The following MAML3 variants were observed in gnomAD, a reference collection of about 807,000 sequenced individuals.
The protein encoded by MAML3 is mastermind like transcriptional coactivator 3.
A neutral mutation model predicts 101.9 loss-of-function variants in MAML3; 27 were observed. The observed-to-expected ratio is 0.27, with a 90% CI of 0.20 to 0.37. The LOEUF is 0.37. MAML3 is among the 10% of genes least tolerant of loss of function. MAML3 has a pLI of 1.00. For missense variants in MAML3, 1,316 were observed against 1,444.9 expected, an observed-to-expected ratio of 0.91 and a Z score of 1.45; for synonymous variants, 501 against 555.9, an observed-to-expected ratio of 0.90 and a Z score of 1.39.
At chr4:139,724,503 G>C (rs1220667336) in intron 4 of MAML3, among the ~76,000 whole-genome samples, 2 of 152,116 alleles carry the variant, frequency 1.3e-5, no homozygotes, top group Non-Finnish European at 2.9e-5. Flanking sequence ...ATAAAGTTCA[G>C]GGATACTTGT....
chr4:140,068,465 C>T (rs1224936219), intron 1 of MAML3, among the ~76,000 whole-genome samples: 1 of 152,124 alleles, frequency 6.6e-6, no homozygotes, highest in African/African-American at 2.4e-5. Context: ...CTCTCTCTAC[C>T]TAGGCACTTT....
At chr4:139,870,666 G>C (rs1161341462) in intron 2 of MAML3, among the ~76,000 whole-genome samples, 2 of 151,876 alleles carry the variant, frequency 1.3e-5, no homozygotes, top group Non-Finnish European at 2.9e-5. Context: ...TTTTTGGACA[G>C]GGTCTCACTC....
At chr4:139,802,910 A>G (rs1425017627) in intron 2 of MAML3, among the ~76,000 whole-genome samples, 1 of 152,262 alleles carries the variant, frequency 6.6e-6, no homozygotes, top group Admixed American at 6.5e-5. Context: ...AAGAGGTATT[A>G]TTACCTAAAA....
intron 2 of MAML3, among the ~76,000 whole-genome samples, chr4:139,851,322 C>T (rs978134651): frequency 3.3e-5 from 5 of 152,222 alleles, no homozygotes; most frequent in African/African-American, 7.2e-5. Flanking sequence ...AGATATAACA[C>T]GCCACCTGGA....
intron 1 of MAML3, among the ~76,000 whole-genome samples, chr4:140,089,277 A>C (rs1023253091): frequency 1.3e-5 from 2 of 152,228 alleles, no homozygotes; most frequent in African/African-American, 2.4e-5. Flanking sequence ...AAGTAAGGCA[A>C]GGCTTAGTTT....
At chr4:139,885,662 A>G (rs1732314242) in intron 2 of MAML3, among the ~76,000 whole-genome samples, 1 of 150,792 alleles carries the variant, frequency 6.6e-6, no homozygotes, top group Admixed American at 6.6e-5. Flanking sequence ...CGTGGCTCAC[A>G]CCTGTAATCC....
rs1362410400 is a variant in MAML3, at chr4:139,774,659, A to G, written c.2080-43992T>C. On this transcript the variant is annotated intron_variant, in intron 2 of 4. Transcript: ENST00000509479. ...AGTCTTTAAGAAGAGAAAAAAATTGACGGAGGGGAGGATGGCAGAAGGAAA... is the reference window on the plus strand; with the variant it reads ...AGTCTTTAAGAAGAGAAAAAAATTGGCGGAGGGGAGGATGGCAGAAGGAAA... Among the ~76,000 whole-genome samples the G allele has an allele frequency of 2.0e-5, 3 of 152,196 alleles. No individual in the cohort carries two copies. The South Asian group carries it at 6.2e-4, about 31-fold the overall frequency.
chr4:140,072,520 A>C (rs1003161616), intron 1 of MAML3, among the ~76,000 whole-genome samples: 1 of 152,136 alleles, frequency 6.6e-6, no homozygotes, highest in African/African-American at 2.4e-5. Context: ...AAAATTCAAA[A>C]TTAGCCAGGC....
intron 2 of MAML3, among the ~76,000 whole-genome samples, chr4:139,858,762 C>G (rs1197217653): frequency 6.6e-6 from 1 of 152,164 alleles, no homozygotes; most frequent in East Asian, 1.9e-4. Context: ...TTCACATGTG[C>G]CAGTCTATGG....
chr4:140,112,419 T>C (rs1391113295), intron 1 of MAML3, among the ~76,000 whole-genome samples: 1 of 152,228 alleles, frequency 6.6e-6, no homozygotes. Context: ...AATATAAAAA[T>C]AAGCATCAAT....
At chr4:139,941,719 T>G (rs142238203) in intron 1 of MAML3, among the ~76,000 whole-genome samples, 5 of 152,312 alleles carry the variant, frequency 3.3e-5, no homozygotes, top group African/African-American at 7.2e-5. Flanking sequence ...TGCTAAACCT[T>G]GTTAGGAGCA....
chr4:140,017,920 G>A (rs751727981), intron 1 of MAML3, among the ~76,000 whole-genome samples: 5 of 151,632 alleles, frequency 3.3e-5, no homozygotes, highest in Non-Finnish European at 5.9e-5. Context: ...TACCATTTGG[G>A]GGAATTGGGC....
chr4:139,963,397 G>A (rs769133751), intron 1 of MAML3, among the ~76,000 whole-genome samples: 24 of 152,142 alleles, frequency 1.6e-4, no homozygotes, highest in African/African-American at 4.8e-4. Context: ...CAAAGCTACC[G>A]GTCCACAGAC....
chr4:139,880,077 G>A (rs1405006428), intron 2 of MAML3, among the ~76,000 whole-genome samples: 1 of 151,962 alleles, frequency 6.6e-6, no homozygotes, highest in East Asian at 1.9e-4. Context: ...AGAGGCTGAG[G>A]CAGGAGAATT....
At chr4:139,976,864 G>A (rs1437210806) in intron 1 of MAML3, among the ~76,000 whole-genome samples, 1 of 152,050 alleles carries the variant, frequency 6.6e-6, no homozygotes, top group Non-Finnish European at 1.5e-5. Context: ...GCAATGTCTG[G>A]AGATAGTTTT....
intron 1 of MAML3, among the ~76,000 whole-genome samples, chr4:139,896,216 G>A (rs763754866): frequency 1.3e-5 from 2 of 152,166 alleles, no homozygotes; most frequent in East Asian, 1.9e-4. Context: ...GCCTGGCTGC[G>A]CACAGGGAAA....
At chr4:140,028,546 C>T (rs1217215199) in intron 1 of MAML3, among the ~76,000 whole-genome samples, 1 of 152,102 alleles carries the variant, frequency 6.6e-6, no homozygotes, top group Non-Finnish European at 1.5e-5. Flanking sequence ...TTAACACTGG[C>T]TAACACATCA....
intron 1 of MAML3, among the ~76,000 whole-genome samples, chr4:139,893,263 G>C (rs561697840): frequency 6.6e-6 from 1 of 152,112 alleles, no homozygotes; most frequent in Non-Finnish European, 1.5e-5. Flanking sequence ...TTTCAGGTTA[G>C]ATCTTAGATT....
rs549876502 is a variant in MAML3, at chr4:140,129,078, A to G, written c.468+23782T>C. Among the ~76,000 whole-genome samples the G allele has an allele frequency of 2.0e-5, 3 of 152,130 alleles. No individual in the cohort carries two copies. In the East Asian group the frequency reaches 5.8e-4, roughly 29 times the overall value. On this transcript the variant is annotated intron_variant, in intron 1 of 4. Coordinates refer to ENST00000509479, the MANE Select transcript of MAML3 (RefSeq NM_018717.5). ...TTCATTAACTGTGACAAATCAACAA[A>G]ACTCTCGGGGGACTCAGTAGCCTCA...
Sources: gnomAD v4.1 joint callset for allele counts (sites outside exome capture counted in the v4.1 genomes callset) on GRCh38, gnomAD v4.1.1 for gene constraint, MANE v1.5 for transcripts, NCBI Gene and HGNC (gene_info 2026-07-23, HGNC 2026-07-21) for gene names.